The following SETBP1 variants were observed in gnomAD, a reference collection of about 807,000 sequenced individuals.
SETBP1 encodes the protein SET binding protein 1.
A neutral mutation model predicts 101.0 loss-of-function variants in SETBP1; 9 were observed. The observed-to-expected ratio is 0.09, with a 90% CI of 0.05 to 0.16. The LOEUF (loss-of-function observed/expected upper bound fraction) is 0.16, where lower values mean the gene tolerates loss of function less well. SETBP1 is among the 10% of genes least tolerant of loss of function. The probability of loss-of-function intolerance (pLI) is 1.00; values close to 1 mark genes in which losing one functional copy is unlikely to be tolerated. For synonymous variants in SETBP1, 818 were observed against 788.5 expected (o/e 1.04, Z -0.63); for missense variants, 1,858 against 2,033.8 (o/e 0.91, Z 1.66).
intron 2 of SETBP1, among the ~76,000 whole-genome samples, chr18:44,816,976 G>A (rs2071992426): frequency 6.6e-6 from 1 of 152,062 alleles, no homozygotes; most frequent in Admixed American, 6.5e-5. Flanking sequence ...GTTGTGTTTG[G>A]GGTCAGATGA....
chr18:44,912,609 G>C (rs977079645), intron 3 of SETBP1, among the ~76,000 whole-genome samples: 1 of 151,984 alleles, frequency 6.6e-6, no homozygotes, highest in Non-Finnish European at 1.5e-5. Context: ...AGTAGAGAAG[G>C]GGTTTCATCG....
chr18:44,932,850 C>CT (rs1208698442), intron 3 of SETBP1, among the ~76,000 whole-genome samples: 9 of 152,136 alleles, frequency 5.9e-5, no homozygotes, highest in Non-Finnish European at 8.8e-5. Context: ...TCTGTCTAAT[C>CT]TTTTTTCAAG....
chr18:44,832,677 G>C (rs573216870), intron 2 of SETBP1, among the ~76,000 whole-genome samples: 1 of 152,310 alleles, frequency 6.6e-6, no homozygotes, highest in South Asian at 2.1e-4. Context: ...CTGCCCCTCT[G>C]AGGCAGGGCT....
intron 2 of SETBP1, among the ~76,000 whole-genome samples, chr18:44,752,414 G>A (rs1383974187): frequency 6.6e-6 from 1 of 152,140 alleles, no homozygotes; most frequent in African/African-American, 2.4e-5. Context: ...CAGGCAACAG[G>A]AACGCTTCAA....
At chr18:44,709,008 G>A (rs1338989619) in intron 2 of SETBP1, among the ~76,000 whole-genome samples, 1 of 152,168 alleles carries the variant, frequency 6.6e-6, no homozygotes, top group Non-Finnish European at 1.5e-5. Flanking sequence ...TCAGAGTTGA[G>A]CTTAAAATGT....
At chr18:45,002,006 C>A (rs1344349673) in intron 4 of SETBP1, among the ~76,000 whole-genome samples, 1 of 152,128 alleles carries the variant, frequency 6.6e-6, no homozygotes, top group Non-Finnish European at 1.5e-5. Context: ...TAATAATAAC[C>A]TGCCTGAAAA....
intron 5 of SETBP1, among the ~76,000 whole-genome samples, chr18:45,058,340 G>A (rs2073841721): frequency 6.6e-6 from 1 of 152,176 alleles, no homozygotes; most frequent in Non-Finnish European, 1.5e-5. Flanking sequence ...AAAGATTTGT[G>A]AATATCAAAC....
At chr18:44,855,314 T>C (rs1027060817) in intron 2 of SETBP1, among the ~76,000 whole-genome samples, 3 of 152,216 alleles carry the variant, frequency 2.0e-5, no homozygotes, top group Admixed American at 2.0e-4. Context: ...GTTTTTGTTT[T>C]TGTTTTCATT....
At chr18:44,967,428 T>C (rs1223820828) in intron 4 of SETBP1, among the ~76,000 whole-genome samples, 1 of 152,216 alleles carries the variant, frequency 6.6e-6, no homozygotes, top group Non-Finnish European at 1.5e-5. Context: ...AATAATGAAA[T>C]GTGGATTGGT....
chr18:44,785,370 T>C (rs2071218379), intron 2 of SETBP1, among the ~76,000 whole-genome samples: 1 of 152,196 alleles, frequency 6.6e-6, no homozygotes, highest in South Asian at 2.1e-4. Flanking sequence ...GCCTACTTTC[T>C]CTCAATTACC....
chr18:44,985,216 G>C (rs1380902782), intron 4 of SETBP1, among the ~76,000 whole-genome samples: 2 of 152,154 alleles, frequency 1.3e-5, no homozygotes, highest in African/African-American at 4.8e-5. Context: ...AATGTGGGTA[G>C]GGGTTCTGAG....
intron 3 of SETBP1, among the ~76,000 whole-genome samples, chr18:44,925,309 T>C (rs1705475428): frequency 2.6e-5 from 4 of 151,992 alleles, no homozygotes; most frequent in Non-Finnish European, 4.4e-5. Flanking sequence ...GGGAAGGAGA[T>C]TGGATCCAAG....
intron 5 of SETBP1, among the ~76,000 whole-genome samples, chr18:45,060,165 G>A (rs1423627763): frequency 1.3e-5 from 2 of 152,140 alleles, no homozygotes; most frequent in East Asian, 3.9e-4. Flanking sequence ...TAATTAGATT[G>A]TTCTCAGTTT....
At chr18:45,031,444 G>A (rs1481440854) in intron 4 of SETBP1, among the ~76,000 whole-genome samples, 1 of 152,078 alleles carries the variant, frequency 6.6e-6, no homozygotes, top group Non-Finnish European at 1.5e-5. Context: ...AAAAATTGAG[G>A]CATGGAAAGC....
chr18:44,704,148 T>C (rs1336779307), intron 2 of SETBP1, among the ~76,000 whole-genome samples: 2 of 152,192 alleles, frequency 1.3e-5, no homozygotes, highest in East Asian at 3.8e-4. Flanking sequence ...TTTCTCCCCA[T>C]TGGAACACAC....
At chr18:44,810,458 C>T (rs1439195686) in intron 2 of SETBP1, among the ~76,000 whole-genome samples, 1 of 152,234 alleles carries the variant, frequency 6.6e-6, no homozygotes, top group Admixed American at 6.5e-5. Context: ...CAAAATGCCT[C>T]TTTCCTTTTT....
At chr18:44,886,754 T>TTTTTTA (rs1555696288) in intron 3 of SETBP1, among the ~76,000 whole-genome samples, 1 of 143,102 alleles carries the variant, frequency 7.0e-6, no homozygotes, top group African/African-American at 2.6e-5. Context: ...GACTGTACAT[T>TTTTTTA]TTATTATTAT....
intron 3 of SETBP1, among the ~76,000 whole-genome samples, chr18:44,912,328 C>T (rs1293707026): frequency 6.6e-6 from 1 of 152,152 alleles, no homozygotes; most frequent in African/African-American, 2.4e-5. Context: ...GTAGCAATAT[C>T]ATCCAAGGAA....
intron 2 of SETBP1, among the ~76,000 whole-genome samples, chr18:44,718,116 G>A (rs548892845): frequency 6.6e-6 from 1 of 152,170 alleles, no homozygotes; most frequent in Non-Finnish European, 1.5e-5. Flanking sequence ...GTTCATTTTT[G>A]AATATAATCC....
Sources: gnomAD v4.1 joint callset for allele counts (sites outside exome capture counted in the v4.1 genomes callset) on GRCh38, gnomAD v4.1.1 for gene constraint, MANE v1.5 for transcripts, NCBI Gene and HGNC (gene_info 2026-07-23, HGNC 2026-07-21) for gene names.